PTPRK: variants seen among roughly 807,000 people sequenced by gnomAD.
PTPRK encodes receptor-type tyrosine-protein phosphatase kappa.
Under a neutral mutation model 178.0 loss-of-function variants are expected in PTPRK, and 75 were observed. The observed-to-expected ratio is 0.42, with a 90% CI of 0.35 to 0.51. The LOEUF is 0.51. Ranked by LOEUF, PTPRK falls within the 20% of genes least tolerant of loss-of-function variation. The pLI is 0.02. For synonymous variants in PTPRK, 637 were observed against 620.6 expected (o/e 1.03, Z -0.39); for missense variants, 1,441 against 1,797.8 (o/e 0.80, Z 3.59).
At chr6:127,978,877 G>A (rs1290139910) in intron 25 of PTPRK, among the ~76,000 whole-genome samples, 2 of 152,128 alleles carry the variant, frequency 1.3e-5, no homozygotes, top group African/African-American at 4.8e-5. Context: ...GGGGATAAAG[G>A]GTAGGGAGAA....
At chr6:128,013,398 C>A (rs1028616574) in intron 13 of PTPRK, among the ~76,000 whole-genome samples, 2 of 151,338 alleles carry the variant, frequency 1.3e-5, no homozygotes, top group Non-Finnish European at 3.0e-5. Flanking sequence ...AAGTTGCAAC[C>A]CGAATTCCTG....
intron 3 of PTPRK, among the ~76,000 whole-genome samples, chr6:128,258,701 A>T (rs1294671434): frequency 1.3e-5 from 2 of 152,212 alleles, no homozygotes; most frequent in Non-Finnish European, 2.9e-5. Flanking sequence ...AAAGGAGTTA[A>T]CGAACAGAAG....
At chr6:128,021,597 G>T (rs1447510871) in intron 13 of PTPRK, among the ~76,000 whole-genome samples, 1 of 152,178 alleles carries the variant, frequency 6.6e-6, no homozygotes, top group Non-Finnish European at 1.5e-5. Context: ...CGGAGATTGT[G>T]CCACTGCACT....
chr6:128,168,301 C>G (rs1318234694), intron 7 of PTPRK, among the ~76,000 whole-genome samples: 1 of 151,922 alleles, frequency 6.6e-6, no homozygotes, highest in South Asian at 2.1e-4. Flanking sequence ...GAAAAGGAAC[C>G]CTTGTTCTCT....
chr6:128,051,249 A>C (rs1778954161), intron 13 of PTPRK, among the ~76,000 whole-genome samples: 1 of 152,210 alleles, frequency 6.6e-6, no homozygotes, highest in African/African-American at 2.4e-5. Flanking sequence ...TCTGATAAAT[A>C]AAATATGCTC....
intron 1 of PTPRK, among the ~76,000 whole-genome samples, chr6:128,422,526 G>A (rs1843600028): frequency 1.3e-5 from 2 of 151,894 alleles, no homozygotes; most frequent in Non-Finnish European, 1.5e-5. Context: ...AGATTCCCAT[G>A]TACTTTCCAA....
chr6:128,129,750 T>C (rs555851505), intron 7 of PTPRK, among the ~76,000 whole-genome samples: 3 of 152,234 alleles, frequency 2.0e-5, no homozygotes, highest in South Asian at 2.1e-4. Flanking sequence ...CTCAAACTAA[T>C]AGTATTTAGA....
intron 15 of PTPRK, chr6:128,000,129 C>T (rs1401581764): frequency 1.0e-6 from 1 of 985,772 alleles, no homozygotes; most frequent in Admixed American, 5.5e-5. Context: ...AAGCATTATA[C>T]CGTCATACTC....
At chr6:128,118,030 C>T (rs1353604547) in intron 7 of PTPRK, among the ~76,000 whole-genome samples, 1 of 152,128 alleles carries the variant, frequency 6.6e-6, no homozygotes, top group African/African-American at 2.4e-5. Context: ...AATAAATGCA[C>T]AAACTCAACA....
intron 1 of PTPRK, among the ~76,000 whole-genome samples, chr6:128,481,132 A>G (rs149556983): frequency 1.3e-4 from 20 of 151,354 alleles, no homozygotes; most frequent in African/African-American, 4.6e-4. Flanking sequence ...AGAGAGAGAG[A>G]GGAAAAAAAA....
intron 1 of PTPRK, among the ~76,000 whole-genome samples, chr6:128,422,719 A>G (rs1324877759): frequency 1.4e-4 from 18 of 130,472 alleles, no homozygotes; most frequent in Admixed American, 3.1e-4. Flanking sequence ...AGCATTTCTG[A>G]TGTTTAGAAA....
At chr6:128,237,051 G>T (rs1218818666) in intron 5 of PTPRK, among the ~76,000 whole-genome samples, 11 of 152,162 alleles carry the variant, frequency 7.2e-5, no homozygotes, top group Non-Finnish European at 1.5e-4. Flanking sequence ...AGAAGTGAGA[G>T]AAATTTTTCA....
chr6:128,007,275 A>G (rs1778546597), intron 14 of PTPRK, among the ~76,000 whole-genome samples: 1 of 150,874 alleles, frequency 6.6e-6, no homozygotes, highest in African/African-American at 2.4e-5. Context: ...AGATATAAAT[A>G]CTATATATTA....
At chr6:128,127,963 T>A (rs894455369) in intron 7 of PTPRK, among the ~76,000 whole-genome samples, 1 of 152,166 alleles carries the variant, frequency 6.6e-6, no homozygotes, top group Non-Finnish European at 1.5e-5. Context: ...TTTAAAATGA[T>A]GTGTATTATT....
At chr6:128,006,465 T>C (rs1351854397) in intron 14 of PTPRK, among the ~76,000 whole-genome samples, 4 of 150,906 alleles carry the variant, frequency 2.7e-5, no homozygotes, top group African/African-American at 7.3e-5. Flanking sequence ...ATACAAAACA[T>C]AAAGATCTAT....
Position 128,218,906 on chromosome 6 carries a change from A to ATTC in PTPRK, c.868+15_868+16insGAA. 1.9e-6 allele frequency: 3 copies of ATTC among 1,593,386 alleles called. No individual in the cohort carries two copies. The highest frequency in any genetic ancestry group is 2.6e-6 in the Non-Finnish European group (3 of 1,167,114). The stretch of plus-strand genomic sequence containing the variant: ...AAGCCATGCAATTTCGTGAAGTGAA[A>ATTC]ACAATTTCACCTTACCTCTCACAAT... On this transcript the variant is annotated intron_variant, in intron 6 of 29. Coordinates refer to ENST00000368226, the MANE Select transcript of PTPRK (RefSeq NM_002844.4).
intron 1 of PTPRK, among the ~76,000 whole-genome samples, chr6:128,438,250 A>AGTAAAGG (rs1345701142): frequency 3.9e-5 from 6 of 152,228 alleles, no homozygotes; most frequent in Non-Finnish European, 7.3e-5. Flanking sequence ...TCTGCTAAGG[A>AGTAAAGG]GTAAAGGAAT....
At chr6:128,515,632 CT>C (rs1479749026) in intron 1 of PTPRK, among the ~76,000 whole-genome samples, 3 of 152,290 alleles carry the variant, frequency 2.0e-5, no homozygotes, top group East Asian at 1.9e-4. Context: ...TACCATAGGA[CT>C]TTTTTCCTCT....
At chr6:128,447,534 G>A (rs1233557350) in intron 1 of PTPRK, among the ~76,000 whole-genome samples, 4 of 152,070 alleles carry the variant, frequency 2.6e-5, no homozygotes, top group Non-Finnish European at 5.9e-5. Flanking sequence ...TAGCTAATGA[G>A]TGGTGAGATC....
Sources: gnomAD v4.1 joint callset for allele counts (sites outside exome capture counted in the v4.1 genomes callset) on GRCh38, gnomAD v4.1.1 for gene constraint, MANE v1.5 for transcripts, NCBI Gene and HGNC (gene_info 2026-07-23, HGNC 2026-07-21) for gene names.